The following ZFYVE16 variants were observed in gnomAD, a reference collection of about 807,000 sequenced individuals.
ZFYVE16 encodes the protein zinc finger FYVE-type containing 16.
ZFYVE16 carries 89 observed loss-of-function variants against 138.1 expected under a neutral mutation model. The ratio of observed to expected loss-of-function variants is 0.64; its 90% CI spans 0.54 to 0.77. The LOEUF is 0.77. ZFYVE16 is among the 30% of genes least tolerant of loss of function. ZFYVE16 has a pLI of 0.00. For synonymous variants in ZFYVE16, 596 were observed against 618.3 expected (o/e 0.96, Z 0.53); for missense variants, 1,793 against 1,786.7 (o/e 1.00, Z -0.06).
Position 80,457,036 on chromosome 5 carries a change from A to G in ZFYVE16, c.3887A>G (p.Gln1296Arg). 6.2e-7 allele frequency: 1 copy of G among 1,613,122 alleles called. No homozygotes were observed. The part of the protein sequence containing the change: ...TEADSHLVCI[Q>R]NDGIYETQAN... ...GCAGATTCTCATCTAGTCTGTATAC[A>G]GAATGATGGAATTTATGAAACACAG... is the stretch of plus-strand genomic sequence containing the variant. Residue 1296 changes from glutamine to arginine, a missense_variant, in exon 14 of 19, where the codon CAG becomes CGG. By Grantham distance (43) the Gln-to-Arg change is conservative (BLOSUM62 1). Around this residue, in one of 2 missense-constraint regions of ZFYVE16, gnomAD observed 498 missense variants for 582.4 expected, o/e 0.86. Coordinates refer to ENST00000505560, the MANE Select transcript of ZFYVE16 (RefSeq NM_001284236.3).
At chr5:80,475,920 C>A (rs1048258767) in intron 18 of ZFYVE16, among the ~76,000 whole-genome samples, 7 of 152,090 alleles carry the variant, frequency 4.6e-5, no homozygotes, top group Non-Finnish European at 1.0e-4. Flanking sequence ...ATATTTATTT[C>A]TTCCAGCAAT....
rs565782378 is a variant in ZFYVE16 at position 80,461,844 on chromosome 5, C to T, written c.4024+2350C>T. 2.2e-3 allele frequency among the ~76,000 whole-genome samples: 333 copies of T among 152,052 alleles called. 2 individuals carry two copies. The highest frequency in any genetic ancestry group is 7.3e-3 in the African/African-American group (303 of 41,466). On this transcript the variant is annotated intron_variant, in intron 15 of 18. Coordinates refer to ENST00000505560, the MANE Select transcript of ZFYVE16 (RefSeq NM_001284236.3). Reference sequence around the variant, plus strand: ...AAAGTTGGTCAGGCGTGGTGGCGGGCGCCTGTAATCCCAGCTACTCGGGAG... The same window carrying T: ...AAAGTTGGTCAGGCGTGGTGGCGGGTGCCTGTAATCCCAGCTACTCGGGAG...
intron 3 of ZFYVE16, among the ~76,000 whole-genome samples, chr5:80,435,506 TCAAAA>T (rs1749767258): frequency 6.6e-6 from 1 of 152,216 alleles, no homozygotes; most frequent in African/African-American, 2.4e-5. Flanking sequence ...AAACTGGAAG[TCAAAA>T]CAAAGACGTT....
Position 80,435,461 on chromosome 5 carries a change from G to A in ZFYVE16, c.70+1244G>A, listed in dbSNP as rs761073781. Among the ~76,000 whole-genome samples the A allele has an allele frequency of 7.6e-4, 115 of 152,316 alleles. 1 individual carries two copies. The highest frequency in any genetic ancestry group is 1.5e-3 in the Non-Finnish European group (101 of 68,032). On this transcript the variant is annotated intron_variant, in intron 3 of 18. Coordinates refer to ENST00000505560, the MANE Select transcript of ZFYVE16 (RefSeq NM_001284236.3). ...TGGGATGATAGGCGTGAGCCACCAC[G>A]TCTGGGTGTTATTTTCTTTAAAACG... is the stretch of plus-strand genomic sequence containing the variant.
At chr5:80,446,528 G>C in intron 7 of ZFYVE16, among the ~76,000 whole-genome samples, 1 of 151,784 alleles carries the variant, frequency 6.6e-6, no homozygotes, top group East Asian at 1.9e-4. Context: ...CTCACATCTG[G>C]TTCTACATTC....
rs370986381 is a variant in ZFYVE16 at position 80,423,276 on chromosome 5, GTTCAT to G, written c.-93-4210_-93-4206del. 1.1e-4 allele frequency among the ~76,000 whole-genome samples: 17 copies of G among 152,026 alleles called. 1 individual carries two copies. The highest frequency in any genetic ancestry group is 3.9e-4 in the African/African-American group (16 of 41,466). On this transcript the variant is annotated intron_variant, in intron 1 of 18. Transcript: ENST00000505560. ...GCCGTTTATATCATTTGAGGAATTG[GTTCAT>G]TTCATCTAAATTACCAAATTTGTGG...
rs1751893461 is a variant in ZFYVE16, at chr5:80,450,677, G to A, written c.3382+91G>A. 2.4e-6 allele frequency: 3 copies of A among 1,264,650 alleles called. No individual in the cohort carries two copies. The African/African-American group carries it at 4.6e-5, about 19-fold the overall frequency. The allele number at this position is 1,264,650 out of a possible 1,614,324, so 78.3% of individuals were successfully genotyped here. On this transcript the variant is annotated intron_variant, in intron 10 of 18. Coordinates refer to ENST00000505560, the MANE Select transcript of ZFYVE16 (RefSeq NM_001284236.3). ...TTTTGGCTGTGCTAGCTATACTAAA[G>A]ATTTATTTCTGTGAAGAGATTGCTG... is the stretch of plus-strand genomic sequence containing the variant.
chr5:80,416,491 G>A (rs963622625), intron 1 of ZFYVE16, among the ~76,000 whole-genome samples: 8 of 151,516 alleles, frequency 5.3e-5, no homozygotes, highest in Non-Finnish European at 1.0e-4. Context: ...CTTGACCTCA[G>A]GTGATTGCCT....
intron 2 of ZFYVE16, among the ~76,000 whole-genome samples, chr5:80,430,986 C>G (rs1748918723): frequency 6.6e-6 from 1 of 152,192 alleles, no homozygotes; most frequent in Non-Finnish European, 1.5e-5. Context: ...AGGACGGATT[C>G]ACAGCCGAAT....
chr5:80,410,882 G>C (rs1042206912), intron 1 of ZFYVE16, among the ~76,000 whole-genome samples: 1 of 151,678 alleles, frequency 6.6e-6, no homozygotes, highest in African/African-American at 2.4e-5. Context: ...GAAACGTGCT[G>C]TACTTTTTTT....
At chr5:80,414,150 A>G (rs1198342610) in intron 1 of ZFYVE16, among the ~76,000 whole-genome samples, 4 of 152,132 alleles carry the variant, frequency 2.6e-5, no homozygotes, top group African/African-American at 9.7e-5. Flanking sequence ...TTCTTTATAA[A>G]TAAATGTTTT....
chr5:80,409,284 C>G (rs1207293562), intron 1 of ZFYVE16, among the ~76,000 whole-genome samples: 3 of 152,132 alleles, frequency 2.0e-5, no homozygotes, highest in African/African-American at 4.8e-5. Flanking sequence ...AGCAAAGTAT[C>G]TTTTGAAACA....
At chr5:80,414,555 A>G (rs754287938) in intron 1 of ZFYVE16, among the ~76,000 whole-genome samples, 7 of 152,038 alleles carry the variant, frequency 4.6e-5, no homozygotes, top group South Asian at 2.1e-4. Flanking sequence ...ATGATAACCA[A>G]TCCTTTGATT....
Position 80,459,436 on chromosome 5 carries a change from AT to A in ZFYVE16, c.3968del (p.Phe1323SerfsTer5). 6.2e-7 allele frequency: 1 copy of A among 1,613,178 alleles called. No individual in the cohort carries two copies. Among genetic ancestry groups the A allele is most frequent in the Non-Finnish European group, 8.5e-7 (1 of 1,179,552 alleles). On this transcript the variant is annotated frameshift_variant, in exon 15 of 19. Transcript: ENST00000505560. LOFTEE classifies it high-confidence loss of function. The stretch of plus-strand genomic sequence containing the variant: ...CAGTGACAGGTGCAAGTTTTGTGGT[AT>A]TCAATGGAGCTCTAAAAACATCTTC... ...RKVTGASFVVFNGALKTSSGF... is the reference protein window; with the variant it reads ...RKVTGASFVVXNGALKTSSGF...
Position 80,438,545 on chromosome 5 carries a change from A to G in ZFYVE16, c.1860A>G (p.Gln620=). Residue 620 remains glutamine, a synonymous_variant, in exon 4 of 19, where the codon CAA becomes CAG. Transcript: ENST00000505560. ...GAGAAAAAAGCACTATTCCAGTTCA[A>G]CAAGGGTTACCTACCAGTAAGTCTG... The part of the protein sequence containing the change: ...SLGEKSTIPV[Q]QGLPTSKSEI... 2 of 1,614,076 alleles carry G rather than the reference A, an allele frequency of 1.2e-6. No homozygotes were observed. The highest frequency in any genetic ancestry group is 8.5e-7 in the Non-Finnish European group (1 of 1,179,962).
Position 80,480,672 on chromosome 5 carries a change from C to T in ZFYVE16, c.*3295C>T, listed in dbSNP as rs567162913. Among the ~76,000 whole-genome samples, 4 of 152,180 alleles carry T rather than the reference C, an allele frequency of 2.6e-5. No homozygotes were observed. Among genetic ancestry groups the T allele is most frequent in the Admixed American group, 1.3e-4 (2 of 15,284 alleles). On this transcript the variant is annotated 3_prime_UTR_variant, in exon 19 of 19. Coordinates refer to ENST00000505560, the MANE Select transcript of ZFYVE16 (RefSeq NM_001284236.3). Reference sequence around the variant, plus strand: ...AGGTGCAGTGGCTCACACCTGTAATCGAGCACTTTGGGAGGCCAAGGCAGG... The same window carrying T: ...AGGTGCAGTGGCTCACACCTGTAATTGAGCACTTTGGGAGGCCAAGGCAGG...
At chr5:80,451,781 T>C in intron 11 of ZFYVE16, 72 bp downstream of exon 11, 2 of 1,382,582 alleles carry the variant, frequency 1.4e-6, no homozygotes, top group Middle Eastern at 2.0e-4. Context: ...CAGGGAATCA[T>C]TAAAATCAAT....
chr5:80,470,303 A>G (rs1754243899), intron 15 of ZFYVE16, among the ~76,000 whole-genome samples: 4 of 151,150 alleles, frequency 2.6e-5, no homozygotes, highest in Admixed American at 2.0e-4. Flanking sequence ...GGGTTTCACC[A>G]TGTTAGCCAG....
chr5:80,445,175 G>A, intron 6 of ZFYVE16, 88 bp from the exon 7 acceptor site: 1 of 1,490,026 alleles, frequency 6.7e-7, no homozygotes, highest in South Asian at 1.3e-5. Flanking sequence ...ATAGCAAAAA[G>A]CTTTTGAAAA....
Sources: allele counts gnomAD v4.1 joint callset (sites outside exome capture counted in the v4.1 genomes callset), GRCh38; gene constraint gnomAD v4.1.1; regional missense constraint gnomAD v4.1.1; transcripts MANE v1.5; gene names NCBI Gene and HGNC (gene_info 2026-07-23, HGNC 2026-07-21).